Variants in GALNT13 observed in about 807,000 individuals in gnomAD.
The protein encoded by GALNT13 is UDP-GalNAc:polypeptide N-acetylgalactosaminyltransferase 13.
A neutral mutation model predicts 64.2 loss-of-function variants in GALNT13; 28 were observed. The ratio of observed to expected loss-of-function variants is 0.44; its 90% CI spans 0.32 to 0.60. GALNT13 has a LOEUF of 0.60. Ranked by LOEUF, GALNT13 falls within the 20% of genes least tolerant of loss-of-function variation. The pLI is 0.05. For synonymous variants in GALNT13, 214 were observed against 224.6 expected, an observed-to-expected ratio of 0.95 and a Z score of 0.42; for missense variants, 577 against 669.8, an observed-to-expected ratio of 0.86 and a Z score of 1.53.
chr2:153,352,332 A>T, the GALNT13 span, among the ~76,000 whole-genome samples: 1 of 152,110 alleles, frequency 6.6e-6, no homozygotes, highest in Non-Finnish European at 1.5e-5. Context: ...GAGTTTTAAA[A>T]GTTCTTTGTA....
chr2:153,367,550 C>T, the GALNT13 span, among the ~76,000 whole-genome samples: 1 of 152,008 alleles, frequency 6.6e-6, no homozygotes, highest in African/African-American at 2.4e-5. Context: ...GGAGTTGTTA[C>T]AATAAAAACA....
chr2:154,389,482 G>A (rs1427805816), intron 9 of GALNT13, among the ~76,000 whole-genome samples: 4 of 152,182 alleles, frequency 2.6e-5, no homozygotes, highest in African/African-American at 9.7e-5. Flanking sequence ...TTTAAGTTAT[G>A]CTGCAATATG....
chr2:153,917,494 G>A (rs1032657327), intron 2 of GALNT13, among the ~76,000 whole-genome samples: 2 of 151,886 alleles, frequency 1.3e-5, no homozygotes, highest in African/African-American at 4.8e-5. Context: ...ATTTTGAGGG[G>A]TAATTCAAAC....
the GALNT13 span, among the ~76,000 whole-genome samples, chr2:153,642,157 C>A: frequency 6.6e-6 from 1 of 151,852 alleles, no homozygotes; most frequent in Non-Finnish European, 1.5e-5. Flanking sequence ...AACTCATTGT[C>A]ATTATTTTCT....
At chr2:153,616,955 A>G in the GALNT13 span, among the ~76,000 whole-genome samples, 2 of 152,002 alleles carry the variant, frequency 1.3e-5, no homozygotes, top group Non-Finnish European at 2.9e-5. Context: ...TAAAGCAAAT[A>G]TCATTACAGC....
chr2:154,156,397 A>G (rs181154383), intron 4 of GALNT13, among the ~76,000 whole-genome samples: 14 of 152,226 alleles, frequency 9.2e-5, no homozygotes, highest in East Asian at 1.9e-4. Flanking sequence ...TTAGGAAGAT[A>G]TATTTTCCCC....
chr2:154,006,010 AAATGGGTACATTCATT>A (rs994380051), intron 3 of GALNT13, among the ~76,000 whole-genome samples: 6 of 152,218 alleles, frequency 3.9e-5, no homozygotes, highest in Non-Finnish European at 8.8e-5. Context: ...ACTTTGAGGA[AAATGGGTACATTCATT>A]AAGTAGGCAC....
the GALNT13 span, among the ~76,000 whole-genome samples, chr2:153,577,690 T>G: frequency 6.6e-6 from 1 of 152,004 alleles, no homozygotes; most frequent in Non-Finnish European, 1.5e-5. Flanking sequence ...AAATGGACTA[T>G]TGGCTTTCAG....
the GALNT13 span, among the ~76,000 whole-genome samples, chr2:153,500,929 CACA>C: frequency 6.6e-6 from 1 of 151,964 alleles, no homozygotes; most frequent in Admixed American, 6.6e-5. Context: ...TAATATTATT[CACA>C]AAAATATAAC....
At chr2:153,595,176 G>A in the GALNT13 span, among the ~76,000 whole-genome samples, 5 of 151,684 alleles carry the variant, frequency 3.3e-5, no homozygotes, top group East Asian at 5.8e-4. Context: ...ATAAATAAAG[G>A]TTTACTTATA....
At chr2:153,481,287 CTT>C in the GALNT13 span, among the ~76,000 whole-genome samples, 14 of 152,256 alleles carry the variant, frequency 9.2e-5, no homozygotes, top group Admixed American at 5.9e-4. Context: ...CATTAATTGA[CTT>C]AAGGGGATCT....
At chr2:154,356,436 C>T (rs947661793) in intron 9 of GALNT13, among the ~76,000 whole-genome samples, 4 of 151,570 alleles carry the variant, frequency 2.6e-5, no homozygotes, top group African/African-American at 4.8e-5. Flanking sequence ...TTCTTGAAAT[C>T]AATATAGCAA....
the GALNT13 span, among the ~76,000 whole-genome samples, chr2:153,590,175 TATAGAAAAC>T: frequency 6.6e-6 from 1 of 152,108 alleles, no homozygotes; most frequent in African/African-American, 2.4e-5. Context: ...TTATTTTGGT[TATAGAAAAC>T]ATTATCAGAG....
At chr2:153,619,540 A>G in the GALNT13 span, among the ~76,000 whole-genome samples, 2 of 152,016 alleles carry the variant, frequency 1.3e-5, no homozygotes, top group African/African-American at 4.8e-5. Flanking sequence ...TTTATTGCTC[A>G]TTAATTTCCT....
At chr2:153,532,540 T>G in the GALNT13 span, among the ~76,000 whole-genome samples, 5 of 152,250 alleles carry the variant, frequency 3.3e-5, no homozygotes, top group Non-Finnish European at 7.3e-5. Context: ...TCTTTACTTA[T>G]GCAAATTTCT....
chr2:153,620,784 T>G, the GALNT13 span, among the ~76,000 whole-genome samples: 1 of 152,054 alleles, frequency 6.6e-6, no homozygotes, highest in Admixed American at 6.6e-5. Flanking sequence ...GTTCATTTGA[T>G]GAGGTTAAGT....
At chr2:153,998,579 A>AC (rs2105212838) in intron 3 of GALNT13, among the ~76,000 whole-genome samples, 1 of 152,038 alleles carries the variant, frequency 6.6e-6, no homozygotes, top group South Asian at 2.1e-4. Flanking sequence ...AAAAATGTTT[A>AC]CCCATTCTGT....
chr2:154,270,286 C>T (rs576453733), intron 8 of GALNT13, among the ~76,000 whole-genome samples: 3 of 151,798 alleles, frequency 2.0e-5, no homozygotes, highest in South Asian at 2.1e-4. Flanking sequence ...ACCTTGTAAA[C>T]ATTCAATTTG....
the GALNT13 span, among the ~76,000 whole-genome samples, chr2:153,580,429 C>T: frequency 6.6e-6 from 1 of 152,066 alleles, no homozygotes; most frequent in South Asian, 2.1e-4. Flanking sequence ...ATAGACCCAC[C>T]TGGAAACTCA....
Sources: allele counts gnomAD v4.1 joint callset (sites outside exome capture counted in the v4.1 genomes callset), GRCh38; gene constraint gnomAD v4.1.1; transcripts MANE v1.5; gene names NCBI Gene and HGNC (gene_info 2026-07-23, HGNC 2026-07-21).